Variants in HDAC9 observed in about 807,000 individuals in gnomAD.
The protein encoded by HDAC9 is histone deacetylase 9.
HDAC9 carries 41 observed loss-of-function variants against 139.4 expected under a neutral mutation model. That is an observed-to-expected ratio of 0.29 (90% CI 0.23 to 0.38). HDAC9 has a LOEUF of 0.38. Ranked by LOEUF, HDAC9 falls within the 10% of genes least tolerant of loss-of-function variation. HDAC9 has a pLI of 1.00. For missense variants in HDAC9, 1,147 were observed against 1,297.0 expected, an observed-to-expected ratio of 0.88 and a Z score of 1.78; for synonymous variants, 517 against 476.2, an observed-to-expected ratio of 1.09 and a Z score of -1.12.
At chr7:18,946,213 G>T (rs966865743) in intron 23 of HDAC9, among the ~76,000 whole-genome samples, 2 of 151,856 alleles carry the variant, frequency 1.3e-5, no homozygotes, top group African/African-American at 2.4e-5. Flanking sequence ...AAAACGTCTT[G>T]ATATCTGCTA....
intron 2 of HDAC9, among the ~76,000 whole-genome samples, chr7:18,277,695 C>G (rs1796834408): frequency 6.6e-6 from 1 of 152,146 alleles, no homozygotes; most frequent in South Asian, 2.1e-4. Flanking sequence ...CTTCTTTCGA[C>G]TGTCTTGATT....
In HDAC9 at chr7:18,209,957, C is replaced by T. The variant is rs576410640; in HGVS notation, c.25+47608C>T. ...CCTCGTGATCCGCCCTCCTTGGCTT[C>T]CCAAAGTGTTGGGATTACAGGCGTG... On this transcript the variant is annotated intron_variant, in intron 2 of 12. Coordinates refer to the HDAC9 transcript ENST00000417496. 1.2e-4 allele frequency among the ~76,000 whole-genome samples: 19 copies of T among 152,134 alleles called. No individual in the cohort carries two copies. In the East Asian group the frequency reaches 3.5e-3, roughly 28 times the overall value.
chr7:18,533,576 C>T lies in HDAC9; in HGVS notation c.22+37252C>T, dbSNP rs892103445. ...TTTCCTTTGCATTTGGCTTCCCCAACACATTTGGAAGCTTTTTAGAATCTT... is the reference window on the plus strand; with the variant it reads ...TTTCCTTTGCATTTGGCTTCCCCAATACATTTGGAAGCTTTTTAGAATCTT... On this transcript the variant is annotated intron_variant, in intron 2 of 25. Transcript: ENST00000686413. Among the ~76,000 whole-genome samples the T allele has an allele frequency of 2.6e-5, 4 of 152,110 alleles. 1 individual carries two copies. Among genetic ancestry groups the T allele is most frequent in the Admixed American group, 2.0e-4 (3 of 15,272 alleles).
At chr7:18,201,693 C>G (rs867146835) in intron 2 of HDAC9, among the ~76,000 whole-genome samples, 17 of 152,342 alleles carry the variant, frequency 1.1e-4, no homozygotes, top group Middle Eastern at 6.8e-3. Flanking sequence ...AATGGCTCAC[C>G]TTCTGGTGAG....
At chr7:18,324,896 T>A (rs2128640305) in intron 1 of HDAC9, among the ~76,000 whole-genome samples, 1 of 152,276 alleles carries the variant, frequency 6.6e-6, no homozygotes, top group South Asian at 2.1e-4. Context: ...CAGATTGTTT[T>A]AAGCTCCAGT....
At chr7:18,343,706 A>G (rs1462433638) in intron 1 of HDAC9, among the ~76,000 whole-genome samples, 1 of 151,904 alleles carries the variant, frequency 6.6e-6, no homozygotes. Flanking sequence ...TGCCTTCTCT[A>G]CTTTTCTTGG....
intron 25 of HDAC9, among the ~76,000 whole-genome samples, chr7:18,988,335 A>C (rs1272042027): frequency 6.6e-6 from 1 of 152,020 alleles, no homozygotes; most frequent in East Asian, 1.9e-4. Context: ...GTAGTCATTC[A>C]GGAGCAGGTT....
intron 1 of HDAC9, among the ~76,000 whole-genome samples, chr7:18,392,426 T>C (rs533391810): frequency 4.6e-5 from 7 of 151,770 alleles, no homozygotes; most frequent in East Asian, 3.9e-4. Flanking sequence ...GATAGATAGA[T>C]AGATAGATAG....
intron 21 of HDAC9, among the ~76,000 whole-genome samples, chr7:18,866,017 T>C (rs2129238490): frequency 6.6e-6 from 1 of 150,618 alleles, no homozygotes; most frequent in East Asian, 2.0e-4. Flanking sequence ...TAAGATCATA[T>C]AACTGCCTAC....
chr7:18,787,462 G>A (rs191291312), intron 16 of HDAC9, among the ~76,000 whole-genome samples: 6 of 152,278 alleles, frequency 3.9e-5, no homozygotes, highest in Non-Finnish European at 7.4e-5. Context: ...ATAAAACAAG[G>A]CCTCTGTGGA....
At position 18,498,581 on chromosome 7, in the gene HDAC9, C is replaced by T. The variant is rs118166613; in HGVS notation, c.22+2257C>T. ...CTCCCTTTTGGACCAGTGGTCTGGACGTGATTCATAGGCTTAGAAGCAGAG... is the reference window on the plus strand; with the variant it reads ...CTCCCTTTTGGACCAGTGGTCTGGATGTGATTCATAGGCTTAGAAGCAGAG... On this transcript the variant is annotated intron_variant, in intron 2 of 25. Coordinates refer to ENST00000686413, the MANE Select transcript of HDAC9 (RefSeq NM_178425.4). Among the ~76,000 whole-genome samples the T allele has an allele frequency of 4.4e-3, 666 of 152,098 alleles. 1 individual carries two copies. The highest frequency in any genetic ancestry group is 7.3e-3 in the Non-Finnish European group (494 of 67,974).
intron 22 of HDAC9, among the ~76,000 whole-genome samples, chr7:18,906,597 T>C (rs1249089190): frequency 2.6e-5 from 4 of 152,210 alleles, no homozygotes; most frequent in Non-Finnish European, 5.9e-5. Flanking sequence ...GGGAAAATGA[T>C]GGTAAAGAGA....
intron 2 of HDAC9, among the ~76,000 whole-genome samples, chr7:18,281,563 C>A (rs1261224910): frequency 6.6e-6 from 1 of 152,182 alleles, no homozygotes; most frequent in Non-Finnish European, 1.5e-5. Context: ...AAAGCTTCAG[C>A]GTAGAAGAGG....
At chr7:18,357,017 A>G (rs1783364097) in intron 1 of HDAC9, among the ~76,000 whole-genome samples, 2 of 152,170 alleles carry the variant, frequency 1.3e-5, no homozygotes, top group Admixed American at 1.3e-4. Context: ...AAGTCATTTT[A>G]AGAAATGCCT....
chr7:18,563,298 A>G (rs372128513), intron 2 of HDAC9, among the ~76,000 whole-genome samples: 1 of 152,118 alleles, frequency 6.6e-6, no homozygotes. Flanking sequence ...AAATCCTGCT[A>G]TTATACCTTG....
intron 17 of HDAC9, among the ~76,000 whole-genome samples, chr7:18,822,472 A>T (rs997619311): frequency 6.6e-6 from 1 of 152,170 alleles, no homozygotes; most frequent in African/African-American, 2.4e-5. Flanking sequence ...CTCCTGCCTC[A>T]GACTCCCGAC....
intron 25 of HDAC9, among the ~76,000 whole-genome samples, chr7:18,989,422 C>T (rs190756220): frequency 0.016 from 2,384 of 152,094 alleles, 52 homozygotes; most frequent in African/African-American, 0.054. Context: ...CCAAGAGATC[C>T]GCTCTTAGTC....
chr7:18,119,907 A>G (rs997591151), intron 1 of HDAC9, among the ~76,000 whole-genome samples: 1 of 152,206 alleles, frequency 6.6e-6, no homozygotes, highest in African/African-American at 2.4e-5. Context: ...AATTCATTTC[A>G]TCAAGTATTG....
Position 18,999,890 on chromosome 7 carries a change from T to C in HDAC9, c.*3828T>C, listed in dbSNP as rs750276737. The C allele has an allele frequency of 6.6e-6, 1 of 152,096 alleles. No homozygotes were observed. Among genetic ancestry groups the C allele is most frequent in the Non-Finnish European group, 1.5e-5 (1 of 67,980 alleles). The allele number at this position is 152,096 out of a possible 1,614,324, so 9.4% of individuals were successfully genotyped here. The stretch of plus-strand genomic sequence containing the variant: ...CCAAAAGAAACAAGCCAAACTGTAC[T>C]GTCTTAAAAGTGATTCATTCTGAGC... On this transcript the variant is annotated 3_prime_UTR_variant, in exon 26 of 26. Transcript: ENST00000686413.
Sources: allele counts gnomAD v4.1 joint callset (sites outside exome capture counted in the v4.1 genomes callset), GRCh38; gene constraint gnomAD v4.1.1; transcripts MANE v1.5; gene names NCBI Gene and HGNC (gene_info 2026-07-23, HGNC 2026-07-21).